MPP7: variants seen among roughly 807,000 people sequenced by gnomAD.
The protein encoded by MPP7 is MAGUK p55 scaffold protein 7, also known as MAGUK p55 subfamily member 7.
MPP7 carries 60 observed loss-of-function variants against 76.5 expected under a neutral mutation model. The ratio of observed to expected loss-of-function variants is 0.78; its 90% CI spans 0.64 to 0.97. The LOEUF (loss-of-function observed/expected upper bound fraction) is 0.97. Among genes scored for constraint, MPP7 ranks in the 50% least tolerant of loss-of-function variants. The pLI is 0.00. For missense variants in MPP7, 641 were observed against 694.0 expected (o/e 0.92, Z 0.86); for synonymous variants, 237 against 244.5 (o/e 0.97, Z 0.29).
intron 1 of MPP7, among the ~76,000 whole-genome samples, chr10:28,294,739 T>C (rs1841001654): frequency 1.3e-5 from 2 of 152,346 alleles, no homozygotes; most frequent in East Asian, 1.9e-4. Flanking sequence ...ACTGTTTTTA[T>C]GGATAAAAGA....
chr10:28,157,967 T>C (rs1210429832), intron 3 of MPP7, among the ~76,000 whole-genome samples: 1 of 149,580 alleles, frequency 6.7e-6, no homozygotes, highest in Non-Finnish European at 1.5e-5. Flanking sequence ...AGGAAATTCA[T>C]AGATCAGGGA....
At chr10:28,330,316 G>T (rs921999615) in intron 1 of MPP7, among the ~76,000 whole-genome samples, 3 of 152,166 alleles carry the variant, frequency 2.0e-5, no homozygotes, top group Non-Finnish European at 4.4e-5. Flanking sequence ...GAAGGAGAAG[G>T]ATGGCTTGAG....
chr10:28,313,460 T>G (rs961698346), intron 2 of MPP7, among the ~76,000 whole-genome samples: 1 of 151,916 alleles, frequency 6.6e-6, no homozygotes, highest in Non-Finnish European at 1.5e-5. Context: ...GAGCCTAGAT[T>G]ACACCACTGC....
At chr10:28,149,744 G>A (rs926936269) in intron 4 of MPP7, among the ~76,000 whole-genome samples, 15 of 152,186 alleles carry the variant, frequency 9.9e-5, no homozygotes, top group African/African-American at 1.9e-4. Flanking sequence ...TGTCTATTAC[G>A]AAGTTACGAA....
intron 12 of MPP7, among the ~76,000 whole-genome samples, chr10:28,084,273 G>A (rs904495602): frequency 6.6e-6 from 1 of 152,182 alleles, no homozygotes; most frequent in Non-Finnish European, 1.5e-5. Context: ...ATAAATGGCA[G>A]CCAATTCACA....
intron 1 of MPP7, among the ~76,000 whole-genome samples, chr10:28,330,263 T>C (rs1834459332): frequency 6.6e-6 from 1 of 152,168 alleles, no homozygotes; most frequent in South Asian, 2.1e-4. Context: ...AAAACTGAAC[T>C]GTGCAATGGC....
At chr10:28,221,540 C>T (rs1004200818) in intron 2 of MPP7, among the ~76,000 whole-genome samples, 1 of 152,272 alleles carries the variant, frequency 6.6e-6, no homozygotes, top group Admixed American at 6.5e-5. Context: ...ATTTCAGAAA[C>T]AAGTGAAATC....
chr10:28,306,752 C>T (rs906785156), upstream of MPP7, among the ~76,000 whole-genome samples: 40 of 151,650 alleles, frequency 2.6e-4, no homozygotes, highest in African/African-American at 9.5e-4. Flanking sequence ...GATAATAGAT[C>T]GTTGATTGAT....
intron 1 of MPP7, among the ~76,000 whole-genome samples, chr10:28,247,004 T>G (rs1839458486): frequency 6.6e-6 from 1 of 152,180 alleles, no homozygotes; most frequent in South Asian, 2.1e-4. Context: ...AATGTGTTGT[T>G]GGAGTTATTT....
chr10:28,208,510 G>A (rs189805532), intron 2 of MPP7, among the ~76,000 whole-genome samples: 130 of 152,298 alleles, frequency 8.5e-4, no homozygotes, highest in African/African-American at 2.8e-3. Context: ...GCCCATGGGC[G>A]TGTCACTAAA....
chr10:28,169,144 G>T (rs905203391), intron 3 of MPP7, among the ~76,000 whole-genome samples: 1 of 151,976 alleles, frequency 6.6e-6, no homozygotes, highest in Non-Finnish European at 1.5e-5. Context: ...ATCAGGTGTG[G>T]GTTGGCTTGT....
chr10:28,057,638 T>TTTTTG, intron 15 of MPP7: 1 of 261,654 alleles, frequency 3.8e-6, no homozygotes, highest in Non-Finnish European at 6.1e-6. Context: ...TTTTTTTTAG[T>TTTTTG]AAATTACCCA....
chr10:28,061,242 T>A (rs991514003), intron 13 of MPP7, among the ~76,000 whole-genome samples: 2 of 151,944 alleles, frequency 1.3e-5, no homozygotes, highest in African/African-American at 2.4e-5. Flanking sequence ...ACCTGGAAGT[T>A]AGATTAGACA....
intron 3 of MPP7, among the ~76,000 whole-genome samples, chr10:28,161,681 T>A (rs1023054328): frequency 1.3e-5 from 2 of 152,226 alleles, no homozygotes; most frequent in African/African-American, 4.8e-5. Context: ...CCTCGATTTC[T>A]GAAGTCTAAG....
At chr10:28,059,851 A>C in intron 13 of MPP7, 108 bp from the exon 14 acceptor site, 1 of 735,224 alleles carries the variant, frequency 1.4e-6, no homozygotes. Context: ...CAGGATTTAA[A>C]AATGTATTTA....
intron 14 of MPP7, among the ~76,000 whole-genome samples, chr10:28,059,175 C>T (rs1851679593): frequency 6.6e-6 from 1 of 152,126 alleles, no homozygotes; most frequent in Non-Finnish European, 1.5e-5. Flanking sequence ...GGGCAGGGGG[C>T]ACTGGGGTGG....
intron 2 of MPP7, among the ~76,000 whole-genome samples, chr10:28,322,412 T>C (rs1027107430): frequency 2.0e-5 from 3 of 152,162 alleles, no homozygotes; most frequent in Non-Finnish European, 2.9e-5. Flanking sequence ...TAAAAGCTCA[T>C]GACTCTGGAA....
intron 1 of MPP7, among the ~76,000 whole-genome samples, chr10:28,283,833 T>G (rs529530469): frequency 6.6e-6 from 1 of 152,206 alleles, no homozygotes; most frequent in South Asian, 2.1e-4. Context: ...TTTTTTTCCA[T>G]CCAAAATTGT....
At chr10:28,115,085 T>C (rs1834622027) in intron 11 of MPP7, among the ~76,000 whole-genome samples, 1 of 151,892 alleles carries the variant, frequency 6.6e-6, no homozygotes, top group Non-Finnish European at 1.5e-5. Context: ...TGTTTGTTTG[T>C]TTGTTTGTTT....
Sources: allele counts gnomAD v4.1 joint callset (sites outside exome capture counted in the v4.1 genomes callset), GRCh38; gene constraint gnomAD v4.1.1; transcripts MANE v1.5; gene names NCBI Gene and HGNC (gene_info 2026-07-23, HGNC 2026-07-21).